LAPTM4B: variants seen among roughly 807,000 people sequenced by gnomAD.
LAPTM4B encodes lysosomal-associated transmembrane protein 4B.
A neutral mutation model predicts 28.5 loss-of-function variants in LAPTM4B; 26 were observed. The ratio of observed to expected loss-of-function variants is 0.91; its 90% CI spans 0.67 to 1.27. LAPTM4B has a LOEUF of 1.27. Among genes scored for constraint, LAPTM4B ranks in the 50% most tolerant of loss-of-function variants. The pLI, the probability that LAPTM4B is intolerant of heterozygous loss-of-function variation, is 0.00. For missense variants in LAPTM4B, 288 were observed against 285.8 expected (o/e 1.01, Z -0.06); for synonymous variants, 109 against 106.4 (o/e 1.02, Z -0.15).
chr8:97,812,234 T>G (rs1424059307), intron 2 of LAPTM4B, among the ~76,000 whole-genome samples: 1 of 149,100 alleles, frequency 6.7e-6, no homozygotes, highest in African/African-American at 2.5e-5. Context: ...TTTGTTTTTT[T>G]TTTGAGTCGG....
chr8:97,799,748 A>G (rs918849075), intron 1 of LAPTM4B, among the ~76,000 whole-genome samples: 2 of 152,164 alleles, frequency 1.3e-5, no homozygotes, highest in Non-Finnish European at 2.9e-5. Context: ...ATTAACTATT[A>G]GAATTCCTGT....
chr8:97,778,931 CT>C (rs1169748792), intron 1 of LAPTM4B, among the ~76,000 whole-genome samples: 1 of 152,086 alleles, frequency 6.6e-6, no homozygotes, highest in Non-Finnish European at 1.5e-5. Context: ...TTTTCTTGAA[CT>C]TTTTTAAGAG....
intron 1 of LAPTM4B, among the ~76,000 whole-genome samples, chr8:97,784,273 C>T (rs977737740): frequency 8.5e-5 from 13 of 152,258 alleles, no homozygotes; most frequent in Middle Eastern, 3.4e-3. Context: ...TGATTTGTGG[C>T]AATTGTGTCA....
intron 4 of LAPTM4B, among the ~76,000 whole-genome samples, chr8:97,818,178 C>G (rs1816951590): frequency 6.6e-6 from 1 of 152,112 alleles, no homozygotes; most frequent in Non-Finnish European, 1.5e-5. Flanking sequence ...GATTTTATTT[C>G]TTAGATATTT....
At chr8:97,795,395 T>G (rs1816565893) in intron 1 of LAPTM4B, among the ~76,000 whole-genome samples, 1 of 152,178 alleles carries the variant, frequency 6.6e-6, no homozygotes, top group African/African-American at 2.4e-5. Context: ...ACCTGGCCTA[T>G]TTTTTAAATT....
chr8:97,832,892 A>G (rs13256148), intron 6 of LAPTM4B, among the ~76,000 whole-genome samples: 69,417 of 148,088 alleles, frequency 0.47, 16,560 homozygotes, highest in East Asian at 0.57. Flanking sequence ...TTTTAGTAGC[A>G]AAGGGGTTTC....
intron 6 of LAPTM4B, among the ~76,000 whole-genome samples, chr8:97,845,265 C>T (rs1166791621): frequency 6.6e-6 from 1 of 151,834 alleles, no homozygotes; most frequent in Non-Finnish European, 1.5e-5. Flanking sequence ...GTGCAGAGTT[C>T]TGTAGTGTAC....
intron 1 of LAPTM4B, among the ~76,000 whole-genome samples, chr8:97,778,705 T>G (rs1816263844): frequency 6.6e-6 from 1 of 152,164 alleles, no homozygotes; most frequent in Non-Finnish European, 1.5e-5. Flanking sequence ...ATTTGTCCTT[T>G]TAACTTTTTG....
intron 5 of LAPTM4B, among the ~76,000 whole-genome samples, chr8:97,823,916 C>G (rs1817052268): frequency 1.3e-5 from 2 of 150,518 alleles, no homozygotes; most frequent in African/African-American, 4.9e-5. Context: ...CCAGGCTGTT[C>G]TCTAAACTCC....
chr8:97,795,108 A>G (rs1258316166), intron 1 of LAPTM4B, among the ~76,000 whole-genome samples: 1 of 152,196 alleles, frequency 6.6e-6, no homozygotes, highest in Non-Finnish European at 1.5e-5. Context: ...TTTATTTATT[A>G]TTATTTTTTG....
chr8:97,843,725 G>C (rs529385001), intron 6 of LAPTM4B, among the ~76,000 whole-genome samples: 10 of 152,024 alleles, frequency 6.6e-5, no homozygotes, highest in Non-Finnish European at 1.0e-4. Context: ...GGTTGCATGA[G>C]CCAAGATTGC....
At chr8:97,793,022 A>G (rs927077307) in intron 1 of LAPTM4B, among the ~76,000 whole-genome samples, 3 of 137,788 alleles carry the variant, frequency 2.2e-5, no homozygotes, top group Non-Finnish European at 4.7e-5. Context: ...ATTTGAAAAT[A>G]ATAACTAGAA....
chr8:97,802,784 T>C (rs1487698947), intron 1 of LAPTM4B, among the ~76,000 whole-genome samples: 1 of 152,194 alleles, frequency 6.6e-6, no homozygotes, highest in African/African-American at 2.4e-5. Flanking sequence ...CACATGCTTG[T>C]AGTATCTGTT....
At position 97,805,480 on chromosome 8, in the gene LAPTM4B, T is replaced by C. The variant is rs1816746029; in HGVS notation, c.211+16T>C. ...GATGATGCCAGTAAGTAGTAGATAT[T>C]TGGGTATTTTCAAGGGCAGGGAATC... On this transcript the variant is annotated intron_variant, in intron 2 of 6. Coordinates refer to ENST00000521545, the MANE Select transcript of LAPTM4B (RefSeq NM_018407.6). The C allele has an allele frequency of 2.1e-6, 3 of 1,437,988 alleles. No individual in the cohort carries two copies. In the East Asian group the frequency reaches 6.8e-5, roughly 33 times the overall value. The allele number at this position is 1,437,988 out of a possible 1,614,324, so 89.1% of individuals were successfully genotyped here.
intron 1 of LAPTM4B, among the ~76,000 whole-genome samples, chr8:97,790,373 G>A (rs982293591): frequency 1.3e-5 from 2 of 150,734 alleles, no homozygotes; most frequent in Middle Eastern, 3.2e-3. Context: ...GTACAGTGGC[G>A]TGATCCTGGC....
chr8:97,819,727 CTTTTTTTTTT>C (rs532220760), intron 5 of LAPTM4B, among the ~76,000 whole-genome samples: 4 of 78,566 alleles, frequency 5.1e-5, no homozygotes, highest in Non-Finnish European at 7.1e-5. Flanking sequence ...GATAAATTTC[CTTTTTTTTTT>C]TTTTTTTTTT....
In LAPTM4B at chr8:97,852,935, G is replaced by C. The variant is rs1478142151; in HGVS notation, c.*1461G>C. 2.1e-6 allele frequency: 1 copy of C among 468,244 alleles called. No individual in the cohort carries two copies. Among genetic ancestry groups the C allele is most frequent in the Admixed American group, 3.9e-5 (1 of 25,426 alleles). 29.0% of individuals were successfully genotyped at this position (468,244 alleles called of 1,614,324 possible). A position where few individuals can be genotyped will look rare whatever the true frequency, so the allele number is the denominator to read the frequency against. ...ATCCGTGGAGAATAAATTACCATTG[G>C]TGTGGGGGAAAAAAGCCAAACAGAA... On this transcript the variant is annotated 3_prime_UTR_variant, in exon 7 of 7. Coordinates refer to ENST00000521545, the MANE Select transcript of LAPTM4B (RefSeq NM_018407.6).
At chr8:97,804,856 C>G (rs576972456) in intron 1 of LAPTM4B, among the ~76,000 whole-genome samples, 14 of 152,324 alleles carry the variant, frequency 9.2e-5, no homozygotes, top group African/African-American at 3.1e-4. Flanking sequence ...CCTGGATCCA[C>G]TATGTAGCTT....
At chr8:97,779,475 T>C (rs1447063201) in intron 1 of LAPTM4B, among the ~76,000 whole-genome samples, 1 of 151,034 alleles carries the variant, frequency 6.6e-6, no homozygotes, top group Non-Finnish European at 1.5e-5. Flanking sequence ...ACAGTGAGAC[T>C]CTGTCTCAAA....
Sources: gnomAD v4.1 joint callset for allele counts (sites outside exome capture counted in the v4.1 genomes callset) on GRCh38, gnomAD v4.1.1 for gene constraint, MANE v1.5 for transcripts, NCBI Gene and HGNC (gene_info 2026-07-23, HGNC 2026-07-21) for gene names.